LRMDA: variants seen among roughly 807,000 people sequenced by gnomAD.
The protein encoded by LRMDA is leucine-rich melanocyte differentiation-associated protein.
In LRMDA, 18 loss-of-function variants were observed where a neutral mutation model predicts 29.8. The ratio of observed to expected loss-of-function variants is 0.60; its 90% confidence interval spans 0.42 to 0.90. LRMDA has a LOEUF of 0.90. Ranked by LOEUF, LRMDA falls within the 40% of genes least tolerant of loss-of-function variation. LRMDA has a pLI of 0.00. For missense variants in LRMDA, 273 were observed against 273.9 expected, an observed-to-expected ratio of 1.00 and a Z score of 0.02; for synonymous variants, 125 against 109.4, an observed-to-expected ratio of 1.14 and a Z score of -0.89.
chr10:76,125,400 T>C (rs1262086157), intron 5 of LRMDA, among the ~76,000 whole-genome samples: 2 of 152,222 alleles, frequency 1.3e-5, no homozygotes, highest in Non-Finnish European at 2.9e-5. Context: ...AATGTTGATA[T>C]GATAGTATTT....
intron 2 of LRMDA, among the ~76,000 whole-genome samples, chr10:75,591,335 T>C (rs1162388223): frequency 1.3e-5 from 2 of 152,212 alleles, no homozygotes; most frequent in East Asian, 1.9e-4. Flanking sequence ...TTTTAGTAAT[T>C]GCACAATAGA....
At chr10:76,315,674 C>T (rs555714468) in intron 5 of LRMDA, among the ~76,000 whole-genome samples, 1 of 152,298 alleles carries the variant, frequency 6.6e-6, no homozygotes, top group East Asian at 1.9e-4. Context: ...TCAACGTGAA[C>T]AGCCTGGGCA....
chr10:76,215,881 G>T (rs1406323996), intron 5 of LRMDA, among the ~76,000 whole-genome samples: 2 of 152,036 alleles, frequency 1.3e-5, no homozygotes, highest in Admixed American at 1.3e-4. Flanking sequence ...CAGAAATAGG[G>T]GACTGGATGA....
chr10:76,128,341 C>G (rs543113541), intron 5 of LRMDA, among the ~76,000 whole-genome samples: 17 of 152,236 alleles, frequency 1.1e-4, no homozygotes, highest in African/African-American at 2.4e-4. Context: ...GATGGGAAAC[C>G]CTGAGTTGGT....
chr10:75,846,067 A>C (rs1844630208), intron 2 of LRMDA, among the ~76,000 whole-genome samples: 1 of 152,090 alleles, frequency 6.6e-6, no homozygotes, highest in Non-Finnish European at 1.5e-5. Flanking sequence ...CTTATGAAGA[A>C]TCTCCATGGG....
At chr10:76,373,474 A>G (rs1333726415) in intron 6 of LRMDA, among the ~76,000 whole-genome samples, 1 of 152,162 alleles carries the variant, frequency 6.6e-6, no homozygotes, top group Non-Finnish European at 1.5e-5. Flanking sequence ...GTATCCTGGT[A>G]TTCTGTCTGG....
chr10:75,891,253 T>A (rs1276811959), intron 2 of LRMDA, among the ~76,000 whole-genome samples: 1 of 152,242 alleles, frequency 6.6e-6, no homozygotes, highest in Non-Finnish European at 1.5e-5. Context: ...GGATTTGGCT[T>A]AATTACTGCA....
chr10:75,607,317 C>A (rs1411349460), intron 2 of LRMDA, among the ~76,000 whole-genome samples: 2 of 152,148 alleles, frequency 1.3e-5, no homozygotes, highest in Admixed American at 6.5e-5. Flanking sequence ...AAAATTTCTT[C>A]AAATTTCTAG....
chr10:75,518,398 G>A (rs1845318548), intron 2 of LRMDA, among the ~76,000 whole-genome samples: 2 of 152,196 alleles, frequency 1.3e-5, no homozygotes, highest in Admixed American at 6.5e-5. Flanking sequence ...GTTCTATTAA[G>A]AGATTCAACT....
chr10:75,907,628 T>G (rs967074549), intron 2 of LRMDA, among the ~76,000 whole-genome samples: 2 of 152,200 alleles, frequency 1.3e-5, no homozygotes, highest in South Asian at 4.1e-4. Flanking sequence ...TGCTGTTACT[T>G]TACAGTAGCG....
At chr10:75,773,073 G>A (rs569449349) in intron 2 of LRMDA, among the ~76,000 whole-genome samples, 3 of 152,290 alleles carry the variant, frequency 2.0e-5, no homozygotes, top group East Asian at 1.9e-4. Flanking sequence ...ATTCCACTGC[G>A]ACCTTGCCAC....
rs74638890 is a variant in LRMDA, at chr10:76,240,363, C to G, written c.517-84038C>G. On this transcript the variant is annotated intron_variant, in intron 5 of 6. Coordinates refer to ENST00000611255, the MANE Select transcript of LRMDA (RefSeq NM_001305581.2). ...ACCAAACATCATATGTTCTCATTCA[C>G]CACCTTACTCCCGCAAGAAGGGCCA... 2.0e-5 allele frequency among the ~76,000 whole-genome samples: 3 copies of G among 148,404 alleles called. No individual in the cohort carries two copies. In the South Asian group the frequency reaches 6.3e-4, roughly 31 times the overall value.
intron 5 of LRMDA, among the ~76,000 whole-genome samples, chr10:76,115,436 G>A (rs150152760): frequency 3.3e-5 from 5 of 152,202 alleles, no homozygotes; most frequent in East Asian, 1.9e-4. Context: ...CCTCCTGAAC[G>A]CTGTGGTGTT....
intron 5 of LRMDA, among the ~76,000 whole-genome samples, chr10:76,240,193 CCACA>C (rs561810447): frequency 2.1e-5 from 3 of 143,658 alleles, no homozygotes; most frequent in Non-Finnish European, 3.0e-5. Context: ...CACACACACA[CCACA>C]CACACACACA....
At chr10:75,438,591 A>T in intron 2 of LRMDA, 97 bp downstream of exon 2, 1 of 887,586 alleles carries the variant, frequency 1.1e-6, no homozygotes, top group Non-Finnish European at 1.8e-6. Context: ...TTCCAACTCC[A>T]CATGGGTTGT....
chr10:76,042,567 T>G (rs1848359474), intron 3 of LRMDA, among the ~76,000 whole-genome samples: 1 of 152,188 alleles, frequency 6.6e-6, no homozygotes, highest in Non-Finnish European at 1.5e-5. Flanking sequence ...AAATGAATGT[T>G]TATTTGGAAT....
chr10:75,506,585 T>G (rs770326493), intron 2 of LRMDA, among the ~76,000 whole-genome samples: 1 of 152,232 alleles, frequency 6.6e-6, no homozygotes, highest in Non-Finnish European at 1.5e-5. Context: ...CTCCATCTAC[T>G]TGGTGATAAA....
In LRMDA at chr10:75,846,177, TTGTG is replaced by T. The variant is rs59549881; in HGVS notation, c.132-189795_132-189792del. ...TTTTGTTACTTATTTGTGTGTGTGTTTGTGTGTGTGTGTGTGTGTGTGTGTGTGT... is the reference window on the plus strand; with the variant it reads ...TTTTGTTACTTATTTGTGTGTGTGTTTGTGTGTGTGTGTGTGTGTGTGTGT... On this transcript the variant is annotated intron_variant, in intron 2 of 6. Coordinates refer to ENST00000611255, the MANE Select transcript of LRMDA (RefSeq NM_001305581.2). Among the ~76,000 whole-genome samples, 634 of 143,068 alleles carry T rather than the reference TTGTG, an allele frequency of 4.4e-3. 2 individuals are homozygous for T. The highest frequency in any genetic ancestry group is 0.013 in the East Asian group (61 of 4,832). 93.9% of individuals were successfully genotyped at this position (143,068 alleles called of 152,430 possible).
At position 75,719,949 on chromosome 10, in the gene LRMDA, CAG is replaced by C. The variant is rs1211043456; in HGVS notation, c.131+281459_131+281460del. On this transcript the variant is annotated intron_variant, in intron 2 of 6. Coordinates refer to ENST00000611255, the MANE Select transcript of LRMDA (RefSeq NM_001305581.2). The stretch of plus-strand genomic sequence containing the variant: ...TGGTTCACGTGGAGCCCTCATAATT[CAG>C]AGATTGAAGCCAAAGTGCCTCTGTG... Among the ~76,000 whole-genome samples the C allele has an allele frequency of 2.0e-5, 3 of 152,148 alleles. No homozygotes were observed. The East Asian group carries it at 5.8e-4, about 29-fold the overall frequency.
Sources: allele counts gnomAD v4.1 joint callset (sites outside exome capture counted in the v4.1 genomes callset), GRCh38; gene constraint gnomAD v4.1.1; transcripts MANE v1.5; gene names NCBI Gene and HGNC (gene_info 2026-07-23, HGNC 2026-07-21).